The following C1S variants were observed in gnomAD, a reference collection of about 807,000 sequenced individuals.
C1S encodes complement C1s subcomponent.
C1S carries 31 observed loss-of-function variants against 54.0 expected under a neutral mutation model. The observed-to-expected ratio is 0.57, with a 90% CI of 0.43 to 0.78. The LOEUF is 0.78. Among genes scored for constraint, C1S ranks in the 30% least tolerant of loss-of-function variants. The pLI, the probability that C1S is intolerant of heterozygous loss-of-function variation, is 0.00. For synonymous variants in C1S, 292 were observed against 303.6 expected (o/e 0.96, Z 0.40); for missense variants, 727 against 851.8 (o/e 0.85, Z 1.82).
In C1S at chr12:7,067,649, A is replaced by G. The variant is rs1591580026; in HGVS notation, c.1073A>G (p.Asp358Gly). 6.2e-7 allele frequency: 1 copy of G among 1,613,980 alleles called. No homozygotes were observed. The change falls in exon 10 of 12, where the codon GAC becomes GGC. Residue 358 changes from aspartate to glycine, a missense_variant. Coordinates refer to ENST00000360817, the MANE Select transcript of C1S (RefSeq NM_001734.5). ...SNSKLKCQPVDCGIPESIENG... is the reference protein window; with the variant it reads ...SNSKLKCQPVGCGIPESIENG... ...TCCTTCCTTCGTCTGGTAGCTGTGGACTGTGGCATTCCTGAATCCATTGAG... is the reference window on the plus strand; with the variant it reads ...TCCTTCCTTCGTCTGGTAGCTGTGGGCTGTGGCATTCCTGAATCCATTGAG...
Position 7,070,009 on chromosome 12 carries a change from T to C in C1S, c.1425T>C (p.His475=), listed in dbSNP as rs781816569. 2 of 1,614,204 alleles carry C rather than the reference T, an allele frequency of 1.2e-6. No homozygotes were observed. The highest frequency in any genetic ancestry group is 2.2e-5 in the East Asian group (1 of 44,878). ...INEYWVLTAA[H]VVEGNREPTM... is the part of the protein sequence containing the mutation. ...AGTACTGGGTGCTGACGGCTGCTCA[T>C]GTTGTGGAGGGAAACAGGGAGCCAA... Residue 475 remains histidine, a synonymous_variant, in exon 12 of 12, where the codon CAT becomes CAC. Coordinates refer to ENST00000360817, the MANE Select transcript of C1S (RefSeq NM_001734.5). The surrounding 1 kb of genome is among the most constrained non-coding windows in gnomAD (Gnocchi z 4.9).
chr12:7,067,854 G>GT, intron 10 of C1S, 83 bp downstream of exon 10: 1 of 1,418,190 alleles, frequency 7.1e-7, no homozygotes. Flanking sequence ...CAGAGACAGA[G>GT]TTTGGAGACA....
chr12:7,063,309 C>T, intron 4 of C1S: 3 of 559,068 alleles, frequency 5.4e-6, no homozygotes, highest in South Asian at 1.7e-5. Flanking sequence ...TTGAGAGCCA[C>T]TATAAACTGG....
intron 2 of C1S, 36 bp downstream of exon 2, chr12:7,061,953 C>A (rs782640180): frequency 4.4e-6 from 7 of 1,608,378 alleles, no homozygotes; most frequent in African/African-American, 1.3e-5. Context: ...GACACAGACT[C>A]CATTCCCTTC....
rs1937707719 is a variant in C1S at position 7,067,650 on chromosome 12, CTG to C, written c.1077_1078del (p.Cys359TrpfsTer4). 6.2e-7 allele frequency: 1 copy of C among 1,613,894 alleles called. No homozygotes were observed. Reference sequence around the variant, plus strand: ...CCTTCCTTCGTCTGGTAGCTGTGGACTGTGGCATTCCTGAATCCATTGAGAAT... The same window carrying C: ...CCTTCCTTCGTCTGGTAGCTGTGGACTGGCATTCCTGAATCCATTGAGAAT... ...NSKLKCQPVD[C>X]GIPESIENGK... On this transcript the variant is annotated frameshift_variant, in exon 10 of 12. Coordinates refer to ENST00000360817, the MANE Select transcript of C1S (RefSeq NM_001734.5). LOFTEE classifies it high-confidence loss of function.
intron 4 of C1S, 106 bp downstream of exon 4, chr12:7,063,173 T>C (rs1947122862): frequency 8.8e-7 from 1 of 1,140,074 alleles, no homozygotes; most frequent in Non-Finnish European, 1.3e-6. Flanking sequence ...GTAATTCTTA[T>C]AAAAAGTGTT....
rs1485346166 is a variant in C1S at position 7,068,676 on chromosome 12, T to TG, written c.1270+149dup. 15 of 670,758 alleles carry TG rather than the reference T, an allele frequency of 2.2e-5. No individual in the cohort carries two copies. In the African/African-American group the frequency reaches 2.6e-4, roughly 12 times the overall value. The allele number at this position is 670,758 out of a possible 1,614,324, so 41.6% of individuals were successfully genotyped here. On this transcript the variant is annotated intron_variant, in intron 11 of 11. Transcript: ENST00000360817. ...GTGAGGTGGCAGTATCACTGTGCCG[T>TG]GGGCTGCCAGGGCCGTGGGGAACCT...
Position 7,070,382 on chromosome 12 carries a change from G to A in C1S, c.1798G>A (p.Val600Met), listed in dbSNP as rs1337335437. 2 of 1,614,274 alleles carry A rather than the reference G, an allele frequency of 1.2e-6. No homozygotes were observed. ...TTTAAGAAAATGCAAAGAAGTGAAA[G>A]TGGAGAAACCCACAGCAGATGCAGA... ...APLRKCKEVKVEKPTADAEAY... is the reference protein window; with the variant it reads ...APLRKCKEVKMEKPTADAEAY... The change falls in exon 12 of 12, where the codon GTG (valine) becomes ATG (methionine). Residue 600 changes from valine to methionine, a missense_variant. Around this residue, in one of 3 missense-constraint regions of C1S, gnomAD observed 360 missense variants for 453.6 expected, o/e 0.79. Transcript: ENST00000360817. This position sits in a 1 kb window ranked among gnomAD's most constrained non-coding sequence, Gnocchi z 4.9.
At chr12:7,062,060 A>G (rs782583312) in intron 2 of C1S, 143 bp downstream of exon 2, 3 of 803,294 alleles carry the variant, frequency 3.7e-6, no homozygotes, top group South Asian at 2.8e-5. Context: ...GCTTGAGCCC[A>G]GGACTTTGAG....
intron 4 of C1S, chr12:7,063,356 C>A: frequency 2.0e-6 from 1 of 507,506 alleles, no homozygotes; most frequent in South Asian, 1.6e-5. Flanking sequence ...CCTATTTTAA[C>A]ACAATCGTCA....
In C1S at chr12:7,070,427, A is replaced by G. The variant is rs1555163076; in HGVS notation, c.1843A>G (p.Asn615Asp). ...ADAEAYVFTP[N>D]MICAGGEKGM... ...TGCAGAGGCCTATGTTTTCACTCCTAACATGATCTGTGCTGGAGGAGAGAA... is the reference window on the plus strand; with the variant it reads ...TGCAGAGGCCTATGTTTTCACTCCTGACATGATCTGTGCTGGAGGAGAGAA... Residue 615 changes from asparagine to aspartate, a missense_variant, in exon 12 of 12, where the codon AAC becomes GAC. By Grantham distance (23) the Asn-to-Asp change is conservative (BLOSUM62 1). This residue lies in a region of C1S where 360 missense variants were observed against 453.6 expected (regional missense o/e 0.79). Coordinates refer to ENST00000360817, the MANE Select transcript of C1S (RefSeq NM_001734.5). This position sits in a 1 kb window ranked among gnomAD's most constrained non-coding sequence, Gnocchi z 4.9. The G allele has an allele frequency of 6.2e-7, 1 of 1,614,104 alleles. No homozygotes were observed. Among genetic ancestry groups the G allele is most frequent in the Non-Finnish European group, 8.5e-7 (1 of 1,180,030 alleles).
At chr12:7,069,777 T>G in intron 11 of C1S, 78 bp from the exon 12 acceptor site, 1 of 1,222,208 alleles carries the variant, frequency 8.2e-7, no homozygotes, top group Non-Finnish European at 1.2e-6. Flanking sequence ...CAGGTAACAT[T>G]ATGTGAGTGG....
chr12:7,067,034 T>C lies in C1S; in HGVS notation c.988-5T>C. 1 of 1,604,906 alleles carries C rather than the reference T, an allele frequency of 6.2e-7. No homozygotes were observed. The highest frequency in any genetic ancestry group is 8.5e-7 in the Non-Finnish European group (1 of 1,171,546). On this transcript the variant is annotated splice_polypyrimidine_tract_variant and splice_region_variant and intron_variant, in intron 8 of 11. Coordinates refer to ENST00000360817, the MANE Select transcript of C1S (RefSeq NM_001734.5). ...AAATAAGTGGTGATGTTTATTATTCTCCAGGGACGTGTTGGTGCAACATCT... is the reference window on the plus strand; with the variant it reads ...AAATAAGTGGTGATGTTTATTATTCCCCAGGGACGTGTTGGTGCAACATCT...
chr12:7,061,625 C>A, intron 1 of C1S: 1 of 513,690 alleles, frequency 1.9e-6, no homozygotes, highest in South Asian at 2.0e-5. Flanking sequence ...TCTAGAGAAG[C>A]AATGAGGGAA....
At position 7,062,009 on chromosome 12, in the gene C1S, C is replaced by A. The variant is rs868963849; in HGVS notation, c.5+92C>A. On this transcript the variant is annotated intron_variant, in intron 2 of 11. Transcript: ENST00000360817. The stretch of plus-strand genomic sequence containing the variant: ...CAAGGGCCAGGCATGATGGCTCACA[C>A]CTGTAACCCCAGCACTTTGGGAGGC... The A allele has an allele frequency of 4.8e-6, 6 of 1,260,962 alleles. No individual in the cohort carries two copies. In the East Asian group the frequency reaches 9.3e-5, roughly 20 times the overall value. The allele number at this position is 1,260,962 out of a possible 1,614,324, so 78.1% of individuals were successfully genotyped here.
At chr12:7,068,719 C>G (rs1394953064) in intron 11 of C1S, 189 bp downstream of exon 11, 19 of 596,166 alleles carry the variant, frequency 3.2e-5, no homozygotes, top group Non-Finnish European at 5.4e-5. Flanking sequence ...CGCACTGAAG[C>G]CAGGCCAACT....
intron 2 of C1S, chr12:7,062,225 C>A: frequency 1.8e-6 from 1 of 564,608 alleles, no homozygotes; most frequent in Non-Finnish European, 3.1e-6. Flanking sequence ...GACCTGAGAT[C>A]GCACCACTGC....
In C1S at chr12:7,064,333, G is replaced by A; in HGVS notation, c.458G>A (p.Gly153Asp). Residue 153 changes from glycine (G) to aspartate (D), a missense_variant, in exon 5 of 12, where the codon GGT (glycine) becomes GAT (aspartate). Transcript: ENST00000360817. ...CSHFCNNFIGGYFCSCPPEYF... is the reference protein window; with the variant it reads ...CSHFCNNFIGDYFCSCPPEYF... The stretch of plus-strand genomic sequence containing the variant: ...CACTTCTGCAACAATTTCATTGGTG[G>A]TTACTTCTGCTCCTGCCCCCCGGAA... 6.2e-7 allele frequency: 1 copy of A among 1,613,966 alleles called. No homozygotes were observed.
rs782474388 is a variant in C1S, at chr12:7,070,504, T to C, written c.1920T>C (p.Asp640=). The change falls in exon 12 of 12, where the codon GAT becomes GAC. Residue 640 remains aspartate (D), a synonymous_variant. Transcript: ENST00000360817. The surrounding 1 kb of genome is among the most constrained non-coding windows in gnomAD (Gnocchi z 4.9). ...GTGGTGGGGCCTTTGCTGTACAGGA[T>C]CCCAATGACAAGACCAAATTCTACG... ...GDSGGAFAVQ[D]PNDKTKFYAA... is the part of the protein sequence containing the mutation. The C allele has an allele frequency of 1.1e-5, 18 of 1,613,822 alleles. No homozygotes were observed. The East Asian group carries it at 4.0e-4, about 36-fold the overall frequency.
Sources: allele counts gnomAD v4.1 joint callset, GRCh38; gene constraint gnomAD v4.1.1; regional missense constraint gnomAD v4.1.1; non-coding constraint Gnocchi (gnomAD v3.1); transcripts MANE v1.5; gene names NCBI Gene and HGNC (gene_info 2026-07-23, HGNC 2026-07-21).